Variants in DNAH14 observed in about 807,000 individuals in gnomAD.
The protein encoded by DNAH14 is axonemal beta dynein heavy chain 14.
DNAH14 carries 478 observed loss-of-function variants against 520.9 expected under a neutral mutation model. The observed-to-expected ratio is 0.92, with a 90% CI of 0.85 to 0.99. The LOEUF (loss-of-function observed/expected upper bound fraction) is 0.99. Among genes scored for constraint, DNAH14 ranks in the 50% least tolerant of loss-of-function variants. The pLI, the probability that DNAH14 is intolerant of heterozygous loss-of-function variation, is 0.00. For missense variants in DNAH14, 4,831 were observed against 5,234.5 expected (o/e 0.92, Z 2.38); for synonymous variants, 1,581 against 1,757.2 (o/e 0.90, Z 2.51).
At chr1:225,382,199 CAAT>C (rs1216479700) in intron 81 of DNAH14, among the ~76,000 whole-genome samples, 1 of 152,076 alleles carries the variant, frequency 6.6e-6, no homozygotes, top group East Asian at 1.9e-4. Flanking sequence ...ATCAAAACCA[CAAT>C]GAGATACAAC....
At chr1:225,140,644 CA>C (rs150082295) in intron 27 of DNAH14, 123 bp from the exon 28 acceptor site, 704 of 794,964 alleles carry the variant, frequency 8.9e-4, no homozygotes, top group Non-Finnish European at 1.2e-3. Context: ...GTCTCTTACA[CA>C]AACACTTACA....
rs2094293253 is a variant in DNAH14 at position 225,308,399 on chromosome 1, G to A, written c.9229G>A (p.Asp3077Asn). 3 of 1,523,930 alleles carry A rather than the reference G, an allele frequency of 2.0e-6. No homozygotes were observed. The highest frequency in any genetic ancestry group is 2.6e-6 in the Non-Finnish European group (3 of 1,139,454). 94.4% of individuals were successfully genotyped at this position (1,523,930 alleles called of 1,614,324 possible). The change falls in exon 60 of 86, where the codon GAT becomes AAT. Residue 3077 changes from aspartate (D) to asparagine (N), a missense_variant. Coordinates refer to ENST00000682510, the MANE Select transcript of DNAH14 (RefSeq NM_001367479.1). ...IVAEEVRIVE[D>N]YAQKTANELK... ...GGCAGAAGAAGTAAGAATTGTGGAA[G>A]ATTATGCTCAGGTAAAATTAAAATA... is the stretch of plus-strand genomic sequence containing the variant.
intron 76 of DNAH14, among the ~76,000 whole-genome samples, chr1:225,365,777 G>T (rs113867998): frequency 9.2e-5 from 14 of 152,062 alleles, no homozygotes; most frequent in Non-Finnish European, 1.3e-4. Context: ...AGGGGAATTG[G>T]GGGGTGGAGG....
At chr1:225,366,455 T>C (rs1402588065) in intron 76 of DNAH14, among the ~76,000 whole-genome samples, 1 of 152,164 alleles carries the variant, frequency 6.6e-6, no homozygotes, top group Non-Finnish European at 1.5e-5. Context: ...TCAGATATAG[T>C]TCTGAAGGCG....
chr1:225,270,796 G>C lies in DNAH14; in HGVS notation c.7601G>C (p.Arg2534Pro). 6.4e-7 allele frequency: 1 copy of C among 1,551,028 alleles called. No homozygotes were observed. Among genetic ancestry groups the C allele is most frequent in the Non-Finnish European group, 8.7e-7 (1 of 1,146,672 alleles). The stretch of plus-strand genomic sequence containing the variant: ...CCAGTTGTGAATGATATCAGCCCAC[G>C]TCTTCTCAAACACTTTTCCATGCTG... ...CVPVVNDISP[R>P]LLKHFSMLVL... The change falls in exon 50 of 86, where the codon CGT becomes CCT. Residue 2534 changes from arginine (R) to proline (P), a missense_variant. Transcript: ENST00000682510.
intron 23 of DNAH14, among the ~76,000 whole-genome samples, chr1:225,102,322 G>C (rs2075565988): frequency 6.6e-6 from 1 of 151,970 alleles, no homozygotes; most frequent in Non-Finnish European, 1.5e-5. Context: ...CCAAGTCTTT[G>C]CTATTGTGAA....
At position 225,392,523 on chromosome 1, in the gene DNAH14, C is replaced by T. The variant is rs1041825077; in HGVS notation, c.13491+72C>T. On this transcript the variant is annotated intron_variant, in intron 84 of 85. Transcript: ENST00000682510. ...CATTTATTCATTCAATCAATTGTGC[C>T]CTTTACAAACCTTTACTCAGCACTT... 28 of 1,505,268 alleles carry T rather than the reference C, an allele frequency of 1.9e-5. 1 individual carries two copies. Among genetic ancestry groups the T allele is most frequent in the Non-Finnish European group, 2.5e-5 (28 of 1,119,566 alleles). 93.2% of individuals were successfully genotyped at this position (1,505,268 alleles called of 1,614,324 possible).
chr1:225,144,779 T>C (rs759455533), intron 29 of DNAH14, among the ~76,000 whole-genome samples, 151 bp downstream of exon 29: 21 of 152,214 alleles, frequency 1.4e-4, no homozygotes, highest in Non-Finnish European at 2.1e-4. Flanking sequence ...AATTCATCAA[T>C]GATGTTTTGA....
intron 8 of DNAH14, among the ~76,000 whole-genome samples, chr1:224,975,057 T>G (rs1194734394): frequency 1.3e-5 from 2 of 152,084 alleles, no homozygotes; most frequent in African/African-American, 4.8e-5. Context: ...GAACCAGCCT[T>G]GCATCCCAGG....
At chr1:225,136,319 T>G (rs1326654160) in intron 27 of DNAH14, among the ~76,000 whole-genome samples, 1 of 152,228 alleles carries the variant, frequency 6.6e-6, no homozygotes, top group Non-Finnish European at 1.5e-5. Context: ...ATTTAGTGCT[T>G]CTTTCAGGAG....
chr1:225,014,994 A>G (rs868267724), intron 10 of DNAH14, among the ~76,000 whole-genome samples: 2 of 152,204 alleles, frequency 1.3e-5, no homozygotes, highest in Non-Finnish European at 2.9e-5. Flanking sequence ...GTGTGCATAT[A>G]TATTTACAAT....
intron 44 of DNAH14, among the ~76,000 whole-genome samples, chr1:225,256,563 A>T (rs1212061386): frequency 2.0e-5 from 3 of 152,236 alleles, no homozygotes; most frequent in Non-Finnish European, 2.9e-5. Flanking sequence ...TTCTTGAGAC[A>T]TAGAAATAAA....
In DNAH14 at chr1:225,335,369, ATG is replaced by A. The variant is rs201125850; in HGVS notation, c.10080+1871_10080+1872del. Among the ~76,000 whole-genome samples, 355 of 68,324 alleles carry A rather than the reference ATG, an allele frequency of 5.2e-3. 84 individuals carry two copies. Among genetic ancestry groups the A allele is most frequent in the African/African-American group, 0.017 (204 of 11,744 alleles). 44.8% of individuals were successfully genotyped at this position (68,324 alleles called of 152,430 possible). On this transcript the variant is annotated intron_variant, in intron 66 of 85. Transcript: ENST00000682510. ...TGTGTATATGCATATACACGTGTAC[ATG>A]TGTGTGTATATGCACATATACACAT...
rs1389325929 is a variant in DNAH14, at chr1:225,085,632, A to G, written c.3416A>G (p.Asp1139Gly). ...ALEKMLFKIIDFWNTTPLPLI... is the reference protein window; with the variant it reads ...ALEKMLFKIIGFWNTTPLPLI... ...GAAAAAATGCTATTTAAGATTATTG[A>G]TTTTTGGAACACTACTCCTTTGCCT... The change falls in exon 21 of 86, where the codon GAT becomes GGT. Residue 1139 changes from aspartate to glycine, a missense_variant. By Grantham distance (94) the Asp-to-Gly change is moderately conservative (BLOSUM62 -1). Coordinates refer to ENST00000682510, the MANE Select transcript of DNAH14 (RefSeq NM_001367479.1). The G allele has an allele frequency of 6.4e-7, 1 of 1,551,196 alleles. No individual in the cohort carries two copies. Among genetic ancestry groups the G allele is most frequent in the Non-Finnish European group, 8.7e-7 (1 of 1,146,750 alleles).
intron 80 of DNAH14, among the ~76,000 whole-genome samples, chr1:225,380,686 A>G (rs2095768728): frequency 6.6e-6 from 1 of 152,178 alleles, no homozygotes; most frequent in East Asian, 1.9e-4. Flanking sequence ...CTGCTGAAAG[A>G]CCACTTGACT....
intron 17 of DNAH14, among the ~76,000 whole-genome samples, chr1:225,060,221 T>A (rs1408313028): frequency 6.6e-6 from 1 of 152,050 alleles, no homozygotes; most frequent in African/African-American, 2.4e-5. Context: ...TTCTTTTTAT[T>A]TTTTTTTCTC....
chr1:225,394,572 G>A (rs569940564), intron 84 of DNAH14, among the ~76,000 whole-genome samples: 1 of 152,240 alleles, frequency 6.6e-6, no homozygotes, highest in South Asian at 2.1e-4. Flanking sequence ...GCCAGGCACG[G>A]TGGCTCACAC....
At chr1:225,303,058 G>A (rs1157748981) in intron 56 of DNAH14, 98 bp from the exon 57 acceptor site, 8 of 964,308 alleles carry the variant, frequency 8.3e-6, no homozygotes, top group Non-Finnish European at 1.0e-5. Flanking sequence ...ACCCACTAAG[G>A]AAAGATCTGA....
intron 27 of DNAH14, among the ~76,000 whole-genome samples, chr1:225,130,141 A>G (rs1272894171): frequency 1.3e-5 from 2 of 152,234 alleles, no homozygotes; most frequent in Non-Finnish European, 2.9e-5. Flanking sequence ...ACCAGTTAGA[A>G]TGGCAATCAT....
Sources: allele counts gnomAD v4.1 joint callset (sites outside exome capture counted in the v4.1 genomes callset), GRCh38; gene constraint gnomAD v4.1.1; transcripts MANE v1.5; gene names NCBI Gene and HGNC (gene_info 2026-07-23, HGNC 2026-07-21).